The following STRA8 variants were observed in gnomAD, a reference collection of about 807,000 sequenced individuals.
STRA8 encodes stimulated by retinoic acid gene 8 protein homolog.
In STRA8, 18 loss-of-function variants were observed where a neutral mutation model predicts 37.1. The observed-to-expected ratio is 0.48, with a 90% CI of 0.34 to 0.72. The LOEUF is 0.72. STRA8 is among the 30% of genes least tolerant of loss of function. STRA8 has a pLI of 0.01. For synonymous variants in STRA8, 168 were observed against 162.9 expected (o/e 1.03, Z -0.24); for missense variants, 357 against 410.4 (o/e 0.87, Z 1.13).
At chr7:135,258,105 G>GCA (rs1832726960) in intron 8 of STRA8, among the ~76,000 whole-genome samples, 1 of 152,228 alleles carries the variant, frequency 6.6e-6, no homozygotes, top group Non-Finnish European at 1.5e-5. Flanking sequence ...CTATTGATGA[G>GCA]CATTTGGATA....
In STRA8 at chr7:135,240,519, C is replaced by T. The variant is rs762963765; in HGVS notation, c.-6C>T. On this transcript the variant is annotated splice_region_variant and 5_prime_UTR_variant, in exon 2 of 9. Transcript: ENST00000662584. ...AAAAAAGCATACTATTACATTACAG[C>T]TTATAATGGCAACCCCTGAAGAAAA... 15 of 1,613,286 alleles carry T rather than the reference C, an allele frequency of 9.3e-6. No homozygotes were observed. In the African/African-American group the frequency reaches 1.9e-4, roughly 20 times the overall value.
intron 8 of STRA8, 121 bp from the exon 9 acceptor site, chr7:135,258,297 G>C: frequency 1.4e-6 from 1 of 710,914 alleles, no homozygotes; most frequent in Non-Finnish European, 2.3e-6. Context: ...AAAATGCAGC[G>C]GAAGAGACGT....
chr7:135,252,916 T>A (rs1832655813), intron 7 of STRA8, among the ~76,000 whole-genome samples: 1 of 152,124 alleles, frequency 6.6e-6, no homozygotes, highest in South Asian at 2.1e-4. Flanking sequence ...GGAATCTCTC[T>A]GGAACCTCTT....
intron 1 of STRA8, among the ~76,000 whole-genome samples, chr7:135,237,953 G>T (rs948666849): frequency 6.6e-6 from 1 of 152,102 alleles, no homozygotes; most frequent in Non-Finnish European, 1.5e-5. Flanking sequence ...CTAAGACCCT[G>T]TCAGGGCCAC....
In STRA8 at chr7:135,246,231, T is replaced by A. The variant is rs1832550714; in HGVS notation, c.594-186T>A. The A allele has an allele frequency of 1.3e-6, 1 of 771,748 alleles. No homozygotes were observed. Among genetic ancestry groups the A allele is most frequent in the South Asian group, 1.8e-5 (1 of 54,748 alleles). The allele number at this position is 771,748 out of a possible 1,614,324, so 47.8% of individuals were successfully genotyped here. A position where few individuals can be genotyped will look rare whatever the true frequency, so the allele number is the denominator to read the frequency against. On this transcript the variant is annotated intron_variant, in intron 5 of 8. Coordinates refer to ENST00000662584, the MANE Select transcript of STRA8 (RefSeq NM_001394401.1). This position sits in a 1 kb window ranked among gnomAD's most constrained non-coding sequence, Gnocchi z 5.4. The stretch of plus-strand genomic sequence containing the variant: ...GCCCCAAAGCCCAAGTCTATGTCCT[T>A]CATGGCCCCCAGGAAGGCTGCTGCT...
rs1485204474 is a variant in STRA8 at position 135,246,726 on chromosome 7, G to A, written c.879+24G>A. On this transcript the variant is annotated intron_variant, in intron 6 of 8. Transcript: ENST00000662584. This position sits in a 1 kb window ranked among gnomAD's most constrained non-coding sequence, Gnocchi z 5.4. Reference sequence around the variant, plus strand: ...AGGTGAGCAGGCCCACCGGGGTGGCGTGGATGGGGCACGGGAACCACCCTC... The same window carrying A: ...AGGTGAGCAGGCCCACCGGGGTGGCATGGATGGGGCACGGGAACCACCCTC... 3 of 1,499,284 alleles carry A rather than the reference G, an allele frequency of 2.0e-6. No homozygotes were observed. The highest frequency in any genetic ancestry group is 1.4e-5 in the African/African-American group (1 of 71,076). The allele number at this position is 1,499,284 out of a possible 1,614,324, so 92.9% of individuals were successfully genotyped here.
intron 2 of STRA8, among the ~76,000 whole-genome samples, chr7:135,242,552 T>C (rs561939476): frequency 6.6e-6 from 1 of 152,350 alleles, no homozygotes; most frequent in East Asian, 1.9e-4. Context: ...CTTAACTCTT[T>C]CCAAATCCTT....
intron 7 of STRA8, among the ~76,000 whole-genome samples, chr7:135,254,618 C>G (rs548841504): frequency 1.8e-3 from 271 of 152,274 alleles, no homozygotes; most frequent in African/African-American, 6.4e-3. Flanking sequence ...GACATAAGCT[C>G]GAGTCACACA....
chr7:135,235,740 C>T (rs1325994694), intron 1 of STRA8, among the ~76,000 whole-genome samples: 2 of 152,316 alleles, frequency 1.3e-5, no homozygotes, highest in Admixed American at 1.3e-4. Flanking sequence ...CCGCGCCCAG[C>T]TGATCATGAC....
At chr7:135,232,643 A>G (rs756727256), upstream of STRA8, among the ~76,000 whole-genome samples, 9 of 151,944 alleles carry the variant, frequency 5.9e-5, no homozygotes, top group Non-Finnish European at 1.3e-4. Context: ...AAAATGCTAG[A>G]AGGGGAGAAT....
chr7:135,256,711 G>T (rs1328292976), intron 8 of STRA8, among the ~76,000 whole-genome samples: 1 of 152,182 alleles, frequency 6.6e-6, no homozygotes, highest in Non-Finnish European at 1.5e-5. Flanking sequence ...AGGCTGAGTT[G>T]GGAGGATTGT....
rs773406092 is a variant in STRA8 at position 135,245,284 on chromosome 7, C to A, written c.354-4C>A. On this transcript the variant is annotated splice_region_variant and splice_polypyrimidine_tract_variant and intron_variant, in intron 4 of 8. Transcript: ENST00000662584. Reference sequence around the variant, plus strand: ...AGTTGTCTTGTTTCTGTTTTCTTTCCCAGCCTGCTTTCAAACAGTTTTCCT... The same window carrying A: ...AGTTGTCTTGTTTCTGTTTTCTTTCACAGCCTGCTTTCAAACAGTTTTCCT... 2.6e-6 allele frequency: 2 copies of A among 780,708 alleles called. No individual in the cohort carries two copies. The highest frequency in any genetic ancestry group is 1.7e-5 in the African/African-American group (1 of 59,074). The allele number at this position is 780,708 out of a possible 1,614,324, so 48.4% of individuals were successfully genotyped here.
At chr7:135,244,476 G>T (rs138517879) in intron 4 of STRA8, among the ~76,000 whole-genome samples, 2 of 152,266 alleles carry the variant, frequency 1.3e-5, no homozygotes, top group African/African-American at 4.8e-5. Context: ...TCTCTTCAAG[G>T]TGTCTTTTGA....
intron 7 of STRA8, 67 bp from the exon 8 acceptor site, chr7:135,255,047 G>A (rs916160378): frequency 9.6e-5 from 123 of 1,276,188 alleles, no homozygotes; most frequent in Non-Finnish European, 1.3e-4. Flanking sequence ...TTTCAGGGGA[G>A]GGGGAAGCAG....
chr7:135,239,503 T>G (rs1407738922), intron 1 of STRA8, among the ~76,000 whole-genome samples: 1 of 152,182 alleles, frequency 6.6e-6, no homozygotes, highest in African/African-American at 2.4e-5. Flanking sequence ...GAAACTCCAG[T>G]ACTGAGCACC....
chr7:135,240,681 A>C lies in STRA8; in HGVS notation c.157A>C (p.Thr53Pro), dbSNP rs1006494430. The change falls in exon 2 of 9, where the codon ACA becomes CCA. Residue 53 changes from threonine (T) to proline (P), a missense_variant. Transcript: ENST00000662584. ...LAALFNNLRK[T>P]VYSQSDLIAS... is the part of the protein sequence containing the mutation. Reference sequence around the variant, plus strand: ...AGCGCTCTTCAACAACCTCAGGAAGACAGTGTACTCTCAGTCTGATCTCAT... The same window carrying C: ...AGCGCTCTTCAACAACCTCAGGAAGCCAGTGTACTCTCAGTCTGATCTCAT... 4.3e-6 allele frequency: 7 copies of C among 1,613,846 alleles called. No homozygotes were observed. The African/African-American group carries it at 9.4e-5, about 22-fold the overall frequency.
intron 7 of STRA8, among the ~76,000 whole-genome samples, chr7:135,254,740 A>G (rs139947068): frequency 5.7e-4 from 87 of 152,346 alleles, no homozygotes; most frequent in Non-Finnish European, 1.0e-3. Flanking sequence ...GTGGCAACTC[A>G]GTGAACTGAA....
Position 135,240,560 on chromosome 7 carries a change from C to CA in STRA8, c.37dup (p.Arg13LysfsTer14). On this transcript the variant is annotated frameshift_variant, in exon 2 of 9. Coordinates refer to ENST00000662584, the MANE Select transcript of STRA8 (RefSeq NM_001394401.1). LOFTEE classifies it high-confidence loss of function. The stretch of plus-strand genomic sequence containing the variant: ...CTGAAGAAAACAGCAATCCCCATGA[C>CA]AGAGCAACACCCCAGCTGCCAGCAC... 6.2e-7 allele frequency: 1 copy of CA among 1,614,096 alleles called. No homozygotes were observed. Among genetic ancestry groups the CA allele is most frequent in the Non-Finnish European group, 8.5e-7 (1 of 1,180,024 alleles).
At chr7:135,241,122 T>TG (rs1288190792) in intron 2 of STRA8, among the ~76,000 whole-genome samples, 5 of 152,086 alleles carry the variant, frequency 3.3e-5, no homozygotes, top group Non-Finnish European at 7.4e-5. Context: ...TACTAAATTT[T>TG]GGGGGGACAC....
Sources: gnomAD v4.1 joint callset for allele counts (sites outside exome capture counted in the v4.1 genomes callset) on GRCh38, gnomAD v4.1.1 for gene constraint, Gnocchi (gnomAD v3.1) non-coding constraint, MANE v1.5 for transcripts, NCBI Gene and HGNC (gene_info 2026-07-23, HGNC 2026-07-21) for gene names.